STIM1: variants seen among roughly 807,000 people sequenced by gnomAD.
STIM1 encodes stromal interaction molecule 1.
In STIM1, 25 loss-of-function variants were observed where a neutral mutation model predicts 74.7. That is an observed-to-expected ratio of 0.33 (90% CI 0.24 to 0.47). The LOEUF (loss-of-function observed/expected upper bound fraction) is 0.47. STIM1 is among the 20% of genes least tolerant of loss of function. The probability of loss-of-function intolerance (pLI) is 1.00; values close to 1 mark genes in which losing one functional copy is unlikely to be tolerated. For synonymous variants in STIM1, 328 were observed against 348.8 expected, an observed-to-expected ratio of 0.94 and a Z score of 0.66; for missense variants, 728 against 920.8, an observed-to-expected ratio of 0.79 and a Z score of 2.71.
chr11:3,860,139 A>C (rs2090542518), intron 1 of STIM1, among the ~76,000 whole-genome samples: 2 of 152,224 alleles, frequency 1.3e-5, no homozygotes, highest in South Asian at 4.1e-4. Context: ...GGAAGAAATA[A>C]ACAGGATGCT....
chr11:4,086,963 G>T (rs749264862), intron 12 of STIM1: 1 of 1,410,740 alleles, frequency 7.1e-7, no homozygotes, highest in South Asian at 1.5e-5. Context: ...CTGGGGGTGT[G>T]TGCAGTGGGG....
At chr11:3,969,792 A>G (rs943108248) in intron 2 of STIM1, among the ~76,000 whole-genome samples, 4 of 152,222 alleles carry the variant, frequency 2.6e-5, no homozygotes, top group African/African-American at 9.6e-5. Flanking sequence ...TGAGATATGT[A>G]TACTTGTTGA....
At chr11:4,024,020 T>G in intron 3 of STIM1, 33 bp downstream of exon 3, 2 of 1,585,916 alleles carry the variant, frequency 1.3e-6, no homozygotes. Context: ...ATCCTAGTTG[T>G]GGGAAGGTTT....
At chr11:3,933,410 A>T (rs1211429892) in intron 1 of STIM1, among the ~76,000 whole-genome samples, 1 of 152,220 alleles carries the variant, frequency 6.6e-6, no homozygotes, top group Non-Finnish European at 1.5e-5. Context: ...TTTACAGATG[A>T]GGAGACTGAA....
At chr11:4,003,990 A>G (rs961695047) in intron 2 of STIM1, among the ~76,000 whole-genome samples, 1 of 152,226 alleles carries the variant, frequency 6.6e-6, no homozygotes, top group Non-Finnish European at 1.5e-5. Flanking sequence ...CCCATTTGCA[A>G]TAGCTTCAAA....
chr11:3,887,811 A>G (rs1403966525), intron 1 of STIM1, among the ~76,000 whole-genome samples: 1 of 152,008 alleles, frequency 6.6e-6, no homozygotes, highest in Non-Finnish European at 1.5e-5. Context: ...TACTAAAAAT[A>G]CAAAAAATTA....
At chr11:4,016,584 G>T (rs1457606173) in intron 2 of STIM1, among the ~76,000 whole-genome samples, 1 of 152,260 alleles carries the variant, frequency 6.6e-6, no homozygotes, top group Non-Finnish European at 1.5e-5. Context: ...TCTCTTCAGA[G>T]CTGTCAGGCA....
intron 2 of STIM1, among the ~76,000 whole-genome samples, chr11:3,971,256 A>G (rs34421572): frequency 6.6e-6 from 1 of 150,562 alleles, no homozygotes; most frequent in Admixed American, 6.6e-5. Flanking sequence ...AGGGCCGGGC[A>G]CGGTGGCTCA....
intron 1 of STIM1, among the ~76,000 whole-genome samples, chr11:3,910,266 G>C (rs1339755382): frequency 1.3e-5 from 2 of 152,220 alleles, no homozygotes; most frequent in African/African-American, 4.8e-5. Context: ...GTTCCTAGGG[G>C]AGCTGAGGTC....
intron 1 of STIM1, among the ~76,000 whole-genome samples, chr11:3,878,396 C>T: frequency 6.6e-6 from 1 of 151,724 alleles, no homozygotes. Flanking sequence ...CCCAAGGTCA[C>T]AAAGCTAGTT....
In STIM1 at chr11:4,000,507, A is replaced by G. The variant is rs796207917; in HGVS notation, c.271-23366A>G. Among the ~76,000 whole-genome samples, 1,133 of 152,224 alleles carry G rather than the reference A, an allele frequency of 7.4e-3. 50 individuals carry two copies. Among genetic ancestry groups the G allele is most frequent in the Admixed American group, 0.067 (1,027 of 15,264 alleles). ...GAGTGGACCTCTAGCAAACTCCAAC[A>G]GACCTGCAGCTGAGGGTCCTGTCTG... is the stretch of plus-strand genomic sequence containing the variant. On this transcript the variant is annotated intron_variant, in intron 2 of 12. Coordinates refer to ENST00000526596, the MANE Select transcript of STIM1 (RefSeq NM_001382567.1).
At chr11:3,887,387 C>G (rs1271076871) in intron 1 of STIM1, among the ~76,000 whole-genome samples, 3 of 152,162 alleles carry the variant, frequency 2.0e-5, no homozygotes, top group Non-Finnish European at 2.9e-5. Flanking sequence ...GGCCATACAT[C>G]TAGAAGTGCT....
chr11:4,005,002 T>C (rs1334869280), intron 2 of STIM1, among the ~76,000 whole-genome samples: 1 of 152,196 alleles, frequency 6.6e-6, no homozygotes, highest in East Asian at 1.9e-4. Flanking sequence ...TCACTGGTCA[T>C]CAGAGAAATG....
intron 2 of STIM1, chr11:3,973,859 A>G (rs2093419726): frequency 4.5e-6 from 2 of 440,324 alleles, no homozygotes; most frequent in African/African-American, 4.0e-5. Context: ...GACTATAGGC[A>G]CATGCCACCA....
intron 3 of STIM1, among the ~76,000 whole-genome samples, chr11:4,037,290 A>G (rs2094111950): frequency 6.6e-6 from 1 of 152,138 alleles, no homozygotes; most frequent in Non-Finnish European, 1.5e-5. Context: ...ACCTCAAGTG[A>G]TCTGCCTTCC....
At chr11:4,033,139 C>G (rs939749113) in intron 3 of STIM1, among the ~76,000 whole-genome samples, 3 of 151,932 alleles carry the variant, frequency 2.0e-5, no homozygotes, top group African/African-American at 7.2e-5. Flanking sequence ...GCTTGTTTTT[C>G]TCAGGTTTGT....
chr11:3,969,344 G>A (rs1316887696), intron 2 of STIM1, among the ~76,000 whole-genome samples: 1 of 152,070 alleles, frequency 6.6e-6, no homozygotes, highest in Non-Finnish European at 1.5e-5. Context: ...TTGGCTGGGT[G>A]TGGTGGCATA....
chr11:3,959,527 A>T (rs1253366365), intron 1 of STIM1, among the ~76,000 whole-genome samples: 2 of 152,136 alleles, frequency 1.3e-5, no homozygotes, highest in African/African-American at 4.8e-5. Flanking sequence ...GCCCTGGGGG[A>T]TAGAGTGAGT....
chr11:4,057,237 T>A (rs1471166252), intron 4 of STIM1, among the ~76,000 whole-genome samples: 2 of 152,222 alleles, frequency 1.3e-5, no homozygotes, highest in Non-Finnish European at 2.9e-5. Context: ...GGGAAGGATA[T>A]CTTTGGCTTG....
Sources: allele counts gnomAD v4.1 joint callset (sites outside exome capture counted in the v4.1 genomes callset), GRCh38; gene constraint gnomAD v4.1.1; transcripts MANE v1.5; gene names NCBI Gene and HGNC (gene_info 2026-07-23, HGNC 2026-07-21).